The following CSGALNACT1 variants were observed in gnomAD, a reference collection of about 807,000 sequenced individuals.
CSGALNACT1 encodes beta4GalNAcT-1.
In CSGALNACT1, 52 loss-of-function variants were observed where a neutral mutation model predicts 51.0. The ratio of observed to expected loss-of-function variants is 1.02; its 90% CI spans 0.82 to 1.29. The LOEUF (loss-of-function observed/expected upper bound fraction) is 1.29. Ranked by LOEUF, CSGALNACT1 falls within the 50% of genes most tolerant of loss-of-function variation. The probability of loss-of-function intolerance (pLI) is 0.00; values close to 1 mark genes in which losing one functional copy is unlikely to be tolerated. For synonymous variants in CSGALNACT1, 341 were observed against 254.4 expected (o/e 1.34, Z -3.24); for missense variants, 935 against 679.2 (o/e 1.38, Z -4.19).
intron 8 of CSGALNACT1, among the ~76,000 whole-genome samples, chr8:19,413,560 G>C (rs1013494468): frequency 2.0e-5 from 3 of 152,204 alleles, no homozygotes; most frequent in Non-Finnish European, 4.4e-5. Flanking sequence ...AGAATGCAAG[G>C]ATGCATAGGA....
chr8:19,741,579 A>G lies in CSGALNACT1; in HGVS notation c.-297+16271T>C, dbSNP rs1033759406. ...CTCCATCAAAAAAAAAAAAAAAAAA[A>G]GGGAGTCTTAGCCAAAAGAGTCGGG... is the stretch of plus-strand genomic sequence containing the variant. On this transcript the variant is annotated intron_variant, in intron 1 of 1. Transcript: ENST00000517494. Among the ~76,000 whole-genome samples the G allele has an allele frequency of 3.4e-5, 5 of 145,262 alleles. No homozygotes were observed. The South Asian group carries it at 8.9e-4, about 26-fold the overall frequency.
intron 1 of CSGALNACT1, among the ~76,000 whole-genome samples, chr8:19,666,827 GAGAGAGAAAGAAAGAAAGAAAGAA>G (rs1380831415): frequency 1.0e-3 from 42 of 40,014 alleles, no homozygotes; most frequent in African/African-American, 2.6e-3. Flanking sequence ...GAGAGAGAGA[GAGAGAGAAAGAAAGAAAGAAAGAA>G]AGAAAGAAAG....
intron 1 of CSGALNACT1, among the ~76,000 whole-genome samples, chr8:19,655,900 T>C (rs1377111892): frequency 6.6e-6 from 1 of 152,188 alleles, no homozygotes; most frequent in Non-Finnish European, 1.5e-5. Context: ...AAATTTGTGA[T>C]CAATGTGCCA....
At chr8:19,582,537 T>G (rs1237535632) in intron 3 of CSGALNACT1, among the ~76,000 whole-genome samples, 1 of 152,154 alleles carries the variant, frequency 6.6e-6, no homozygotes. Context: ...GACTAAGAGC[T>G]GGTCAGTTGA....
At chr8:19,538,586 G>A (rs1361585665) in intron 3 of CSGALNACT1, among the ~76,000 whole-genome samples, 1 of 152,148 alleles carries the variant, frequency 6.6e-6, no homozygotes, top group Non-Finnish European at 1.5e-5. Flanking sequence ...GAAGGAGGAG[G>A]CCTTCAGGAT....
intron 5 of CSGALNACT1, among the ~76,000 whole-genome samples, chr8:19,440,607 T>TA (rs1278985934): frequency 6.6e-6 from 1 of 152,164 alleles, no homozygotes; most frequent in African/African-American, 2.4e-5. Context: ...ACACAGCCAA[T>TA]ATCATATTGA....
At chr8:19,465,182 G>A (rs974999147) in intron 4 of CSGALNACT1, among the ~76,000 whole-genome samples, 8 of 152,124 alleles carry the variant, frequency 5.3e-5, no homozygotes, top group East Asian at 1.9e-4. Flanking sequence ...ATGGAAATTC[G>A]GATACATGCT....
In CSGALNACT1 at chr8:19,451,504, C is replaced by A. The variant is rs141113853; in HGVS notation, c.851+6922G>T. On this transcript the variant is annotated intron_variant, in intron 5 of 9. Transcript: ENST00000454498. ...AATAACTTAGTGCACACACTGTGTGCACCCAGGAATAAATTTTGTCCCCAT... is the reference window on the plus strand; with the variant it reads ...AATAACTTAGTGCACACACTGTGTGAACCCAGGAATAAATTTTGTCCCCAT... 2.5e-3 allele frequency among the ~76,000 whole-genome samples: 378 copies of A among 152,296 alleles called. 1 individual carries two copies. The highest frequency in any genetic ancestry group is 8.7e-3 in the African/African-American group (362 of 41,556).
chr8:19,577,555 T>G (rs2044546243), intron 3 of CSGALNACT1, among the ~76,000 whole-genome samples: 1 of 57,698 alleles, frequency 1.7e-5, no homozygotes, highest in Non-Finnish European at 3.3e-5. Flanking sequence ...CAAGACCCTA[T>G]CTCAAAAAAA....
chr8:19,671,898 T>C (rs921785005), intron 1 of CSGALNACT1, among the ~76,000 whole-genome samples: 1 of 152,226 alleles, frequency 6.6e-6, no homozygotes, highest in Non-Finnish European at 1.5e-5. Flanking sequence ...TAACTTTTAA[T>C]GACTGCAGAG....
chr8:19,533,208 T>C (rs573153129), intron 3 of CSGALNACT1, among the ~76,000 whole-genome samples: 1 of 152,188 alleles, frequency 6.6e-6, no homozygotes, highest in Admixed American at 6.5e-5. Context: ...CCTCAAACTT[T>C]TGGGATCAAG....
rs772054822 is a variant in CSGALNACT1 at position 19,627,645 on chromosome 8, G to A, written c.-543-25780C>T. Among the ~76,000 whole-genome samples the A allele has an allele frequency of 1.6e-4, 25 of 152,178 alleles. 1 individual carries two copies. The highest frequency in any genetic ancestry group is 3.9e-4 in the Admixed American group (6 of 15,276). The stretch of plus-strand genomic sequence containing the variant: ...TCAAGGCCAGCCTGGGCAACAAAGC[G>A]AGACCTGTCTCGAAAAACGTAATAA... On this transcript the variant is annotated intron_variant, in intron 1 of 9. Coordinates refer to the CSGALNACT1 transcript ENST00000332246.
intron 4 of CSGALNACT1, chr8:19,495,078 A>G (rs1328619915): frequency 6.6e-6 from 1 of 152,218 alleles, no homozygotes; most frequent in East Asian, 1.9e-4. Context: ...ACGGATGTTG[A>G]CTTCTGATAA....
At chr8:19,479,130 A>G (rs1054226339) in intron 4 of CSGALNACT1, among the ~76,000 whole-genome samples, 2 of 152,258 alleles carry the variant, frequency 1.3e-5, no homozygotes, top group African/African-American at 2.4e-5. Flanking sequence ...CTTGAAAGAA[A>G]TAGGAGAAAA....
chr8:19,740,288 G>A (rs927162789), intron 1 of CSGALNACT1, among the ~76,000 whole-genome samples: 2 of 152,280 alleles, frequency 1.3e-5, no homozygotes, highest in South Asian at 4.1e-4. Flanking sequence ...CCACCAAAGT[G>A]TCTCACCCGA....
At chr8:19,515,211 T>A (rs1052165206) in intron 3 of CSGALNACT1, among the ~76,000 whole-genome samples, 5 of 146,502 alleles carry the variant, frequency 3.4e-5, no homozygotes, top group Non-Finnish European at 7.7e-5. Context: ...GACCCCACTA[T>A]CTCTATCTCA....
chr8:19,463,561 A>AGCC (rs2066015689), intron 4 of CSGALNACT1, among the ~76,000 whole-genome samples: 1 of 152,222 alleles, frequency 6.6e-6, no homozygotes, highest in African/African-American at 2.4e-5. Context: ...ATGGTTTTTC[A>AGCC]GCCAGTAAGC....
intron 5 of CSGALNACT1, 92 bp downstream of exon 4, chr8:19,458,334 C>G (rs17128441): frequency 9.4e-6 from 10 of 1,059,498 alleles, no homozygotes; most frequent in African/African-American, 3.1e-5. Flanking sequence ...GCTTTGTACT[C>G]GGCAGGGGAA....
upstream of CSGALNACT1, among the ~76,000 whole-genome samples, chr8:19,604,134 T>A (rs1056726740): frequency 6.6e-6 from 1 of 152,140 alleles, no homozygotes; most frequent in Non-Finnish European, 1.5e-5. Context: ...AGAAGAGTCA[T>A]CTCAAGCTAG....
Sources: gnomAD v4.1 joint callset for allele counts (sites outside exome capture counted in the v4.1 genomes callset) on GRCh38, gnomAD v4.1.1 for gene constraint, MANE v1.5 for transcripts, NCBI Gene and HGNC (gene_info 2026-07-23, HGNC 2026-07-21) for gene names.